ATP11A: variants seen among roughly 807,000 people sequenced by gnomAD.
ATP11A encodes phospholipid-transporting ATPase IH.
In ATP11A, 81 loss-of-function variants were observed where a neutral mutation model predicts 154.4. That is an observed-to-expected ratio of 0.52 (90% CI 0.44 to 0.63). The LOEUF is 0.63. ATP11A is among the 30% of genes least tolerant of loss of function. The probability of loss-of-function intolerance (pLI) is 0.00; values close to 1 mark genes in which losing one functional copy is unlikely to be tolerated. For missense variants in ATP11A, 1,316 were observed against 1,474.3 expected (o/e 0.89, Z 1.76); for synonymous variants, 623 against 585.9 (o/e 1.06, Z -0.91).
intron 9 of ATP11A, 29 bp from the exon 10 acceptor site, chr13:112,824,315 G>GTCA: frequency 6.3e-7 from 1 of 1,582,150 alleles, no homozygotes; most frequent in Non-Finnish European, 8.7e-7. Context: ...TTGCGCCCTG[G>GTCA]TCATCACCCT....
chr13:112,835,919 G>A (rs898437848), intron 15 of ATP11A, among the ~76,000 whole-genome samples: 1 of 152,212 alleles, frequency 6.6e-6, no homozygotes, highest in African/African-American at 2.4e-5. Flanking sequence ...CTATGCCCTG[G>A]GTAGGATGGG....
chr13:112,747,963 A>G (rs1892373519), intron 1 of ATP11A, among the ~76,000 whole-genome samples: 1 of 152,270 alleles, frequency 6.6e-6, no homozygotes, highest in African/African-American at 2.4e-5. Context: ...CAAAATGCCC[A>G]AAAATCTGAA....
At position 112,887,129 on chromosome 13, in the gene ATP11A, A is replaced by C. The variant is rs1000754648; in HGVS notation, c.*5263A>C. 3 of 152,252 alleles carry C rather than the reference A, an allele frequency of 2.0e-5. No individual in the cohort carries two copies. The highest frequency in any genetic ancestry group is 6.5e-5 in the Admixed American group (1 of 15,288). The allele number at this position is 152,252 out of a possible 1,614,324, so 9.4% of individuals were successfully genotyped here. A position where few individuals can be genotyped will look rare whatever the true frequency, so the allele number is the denominator to read the frequency against. Reference sequence around the variant, plus strand: ...CCTGAATCTGCTTGCAATAAAGAATAAAAGTCTGCTTCAGTTTCTTTATAA... The same window carrying C: ...CCTGAATCTGCTTGCAATAAAGAATCAAAGTCTGCTTCAGTTTCTTTATAA... On this transcript the variant is annotated 3_prime_UTR_variant, in exon 30 of 30. Coordinates refer to ENST00000375645, the MANE Select transcript of ATP11A (RefSeq NM_015205.3).
chr13:112,765,953 C>A (rs1231946066), intron 1 of ATP11A, among the ~76,000 whole-genome samples: 1 of 152,248 alleles, frequency 6.6e-6, no homozygotes, highest in Non-Finnish European at 1.5e-5. Context: ...GGCCGGTGTC[C>A]GGCGTTGATC....
chr13:112,763,229 G>A (rs958669714), intron 1 of ATP11A, among the ~76,000 whole-genome samples: 3 of 152,120 alleles, frequency 2.0e-5, no homozygotes, highest in East Asian at 1.9e-4. Flanking sequence ...CCCAACCAAC[G>A]GAATGGACCT....
chr13:112,826,638 G>T, intron 11 of ATP11A, 56 bp from the exon 12 acceptor site: 2 of 1,404,310 alleles, frequency 1.4e-6, no homozygotes, highest in Non-Finnish European at 2.0e-6. Context: ...GCAGCATGTT[G>T]GAGGCCTGCT....
At chr13:112,787,634 CAA>C (rs1555325500) in intron 2 of ATP11A, among the ~76,000 whole-genome samples, 2 of 112,302 alleles carry the variant, frequency 1.8e-5, no homozygotes, top group African/African-American at 3.6e-5. Flanking sequence ...TAATTCACAC[CAA>C]GTGTCCTGAT....
intron 3 of ATP11A, 110 bp from the exon 4 acceptor site, chr13:112,806,103 C>T: frequency 1.3e-6 from 1 of 745,864 alleles, no homozygotes; most frequent in Non-Finnish European, 2.3e-6. Flanking sequence ...CAGCAAAGGT[C>T]TTTAAATAAG....
At position 112,753,103 on chromosome 13, in the gene ATP11A, G is replaced by C. The variant is rs376302524; in HGVS notation, c.40-32032G>C. 6.6e-6 allele frequency among the ~76,000 whole-genome samples: 1 copy of C among 152,154 alleles called. No individual in the cohort carries two copies. The highest frequency in any genetic ancestry group is 2.4e-5 in the African/African-American group (1 of 41,418). ...GTCAGTGTTCCCAATGACATATACG[G>C]TGGCTTACAGTTACCCCGGCCCAGA... On this transcript the variant is annotated intron_variant, in intron 1 of 29. Transcript: ENST00000375645. This position sits in a 1 kb window ranked among gnomAD's most constrained non-coding sequence, Gnocchi z 4.1.
chr13:112,698,239 G>A (rs911918211), intron 1 of ATP11A, among the ~76,000 whole-genome samples: 4 of 151,580 alleles, frequency 2.6e-5, no homozygotes, highest in Non-Finnish European at 5.9e-5. Context: ...ATGGCCACTT[G>A]GGGAGGGTCG....
In ATP11A at chr13:112,840,573, G is replaced by A. The variant is rs114001534; in HGVS notation, c.1706-1703G>A. On this transcript the variant is annotated intron_variant, in intron 16 of 29. Transcript: ENST00000375645. Reference sequence around the variant, plus strand: ...CCTGTCCCCTCCAGCCTCAGCCTCCGTCCTCCCCCATGCCCTCCAGCCTTT... The same window carrying A: ...CCTGTCCCCTCCAGCCTCAGCCTCCATCCTCCCCCATGCCCTCCAGCCTTT... Among the ~76,000 whole-genome samples, 790 of 128,446 alleles carry A rather than the reference G, an allele frequency of 6.2e-3. 9 individuals are homozygous for A. The highest frequency in any genetic ancestry group is 0.022 in the African/African-American group (739 of 33,792). The allele number at this position is 128,446 out of a possible 152,430, so 84.3% of individuals were successfully genotyped here.
At chr13:112,803,174 ACT>A (rs2078184430) in intron 2 of ATP11A, among the ~76,000 whole-genome samples, 1 of 152,228 alleles carries the variant, frequency 6.6e-6, no homozygotes, top group Admixed American at 6.5e-5. Context: ...TTCCTTATAT[ACT>A]CTCTAAGCCA....
intron 29 of ATP11A, among the ~76,000 whole-genome samples, chr13:112,879,704 C>T (rs995705906): frequency 7.9e-5 from 12 of 152,346 alleles, no homozygotes; most frequent in East Asian, 7.7e-4. Context: ...ACATGCCCGG[C>T]GCACACGGGA....
In ATP11A at chr13:112,744,896, C is replaced by T. The variant is rs117507417; in HGVS notation, c.40-40239C>T. On this transcript the variant is annotated intron_variant, in intron 1 of 29. Coordinates refer to ENST00000375645, the MANE Select transcript of ATP11A (RefSeq NM_015205.3). ...GGAAATGAAAATAACAGGGATGTCC[C>T]TTTCAAACAATGGTGAGTTTTAAAT... 1.2e-3 allele frequency among the ~76,000 whole-genome samples: 178 copies of T among 152,332 alleles called. 2 individuals are homozygous for T. In the East Asian group the frequency reaches 0.024, roughly 21 times the overall value.
At chr13:112,813,852 G>A (rs151027673) in intron 5 of ATP11A, among the ~76,000 whole-genome samples, 2,704 of 151,906 alleles carry the variant, frequency 0.018, 48 homozygotes, top group Non-Finnish European at 0.031. Context: ...GCATATCCTT[G>A]TCAGTAAAAA....
intron 1 of ATP11A, among the ~76,000 whole-genome samples, chr13:112,695,177 C>G (rs1006887588): frequency 6.6e-6 from 1 of 152,192 alleles, no homozygotes; most frequent in African/African-American, 2.4e-5. Flanking sequence ...GGAGTCTACA[C>G]CACAGGAGCA....
chr13:112,765,372 G>T (rs562042606), intron 1 of ATP11A, among the ~76,000 whole-genome samples: 1 of 152,058 alleles, frequency 6.6e-6, no homozygotes, highest in Admixed American at 6.5e-5. Flanking sequence ...GTCCTGGCCT[G>T]GGGGGGTCGT....
intron 2 of ATP11A, among the ~76,000 whole-genome samples, chr13:112,799,114 A>T (rs2078070339): frequency 6.6e-6 from 1 of 152,238 alleles, no homozygotes; most frequent in African/African-American, 2.4e-5. Flanking sequence ...ACAACATAAC[A>T]ATTCTCAAAG....
intron 25 of ATP11A, among the ~76,000 whole-genome samples, chr13:112,870,829 C>T (rs561496815): frequency 8.5e-5 from 13 of 152,316 alleles, no homozygotes; most frequent in South Asian, 8.3e-4. Flanking sequence ...TTCCCCAAGG[C>T]GGGGGGTGGT....
Sources: gnomAD v4.1 joint callset for allele counts (sites outside exome capture counted in the v4.1 genomes callset) on GRCh38, gnomAD v4.1.1 for gene constraint, Gnocchi (gnomAD v3.1) non-coding constraint, MANE v1.5 for transcripts, NCBI Gene and HGNC (gene_info 2026-07-23, HGNC 2026-07-21) for gene names.